FBXL17: variants seen among roughly 807,000 people sequenced by gnomAD.
FBXL17 encodes F-box/LRR-repeat protein 17.
Under a neutral mutation model 66.2 loss-of-function variants are expected in FBXL17, and 22 were observed. The observed-to-expected ratio is 0.33, with a 90% CI of 0.24 to 0.47. The LOEUF is 0.47. Ranked by LOEUF, FBXL17 falls within the 20% of genes least tolerant of loss-of-function variation. The pLI is 1.00. For synonymous variants in FBXL17, 474 were observed against 400.5 expected, an observed-to-expected ratio of 1.18 and a Z score of -2.19; for missense variants, 878 against 948.2, an observed-to-expected ratio of 0.93 and a Z score of 0.97.
intron 6 of FBXL17, among the ~76,000 whole-genome samples, chr5:108,068,749 G>A (rs890717001): frequency 3.3e-5 from 5 of 152,072 alleles, no homozygotes; most frequent in African/African-American, 4.8e-5. Flanking sequence ...GAGCCACTGC[G>A]CCCGGCCAAT....
intron 8 of FBXL17, among the ~76,000 whole-genome samples, chr5:107,862,928 CTA>C (rs1205361685): frequency 4.0e-5 from 6 of 151,352 alleles, no homozygotes; most frequent in African/African-American, 1.5e-4. Flanking sequence ...ATCTAGAAAA[CTA>C]TGTTATCTGT....
intron 7 of FBXL17, among the ~76,000 whole-genome samples, chr5:107,989,774 A>C (rs539789992): frequency 1.3e-5 from 2 of 152,264 alleles, no homozygotes; most frequent in Admixed American, 1.3e-4. Context: ...TTTCATCAGA[A>C]CATCTAAATA....
chr5:108,066,844 T>C (rs1748134066), intron 6 of FBXL17, among the ~76,000 whole-genome samples: 1 of 152,056 alleles, frequency 6.6e-6, no homozygotes, highest in Admixed American at 6.5e-5. Flanking sequence ...GCCTTTACAG[T>C]ATGAATTTCT....
chr5:107,934,570 T>C (rs1750836876), intron 7 of FBXL17, among the ~76,000 whole-genome samples: 1 of 152,180 alleles, frequency 6.6e-6, no homozygotes, highest in Non-Finnish European at 1.5e-5. Flanking sequence ...TTTACTTTCT[T>C]TCCTATTGTA....
chr5:108,167,538 T>A lies in FBXL17; in HGVS notation c.1745+18579A>T, dbSNP rs116545766. Among the ~76,000 whole-genome samples, 143 of 152,292 alleles carry A rather than the reference T, an allele frequency of 9.4e-4. 1 individual carries two copies. Among genetic ancestry groups the A allele is most frequent in the African/African-American group, 3.2e-3 (132 of 41,564 alleles). On this transcript the variant is annotated intron_variant, in intron 6 of 8. Coordinates refer to ENST00000542267, the MANE Select transcript of FBXL17 (RefSeq NM_001163315.3). ...AGGACTTCAGTCTCCTAGCTCCCAC[T>A]GCAAGCTCTATTCACAGGTATTTGA...
At chr5:108,268,639 G>A (rs557209132) in intron 4 of FBXL17, among the ~76,000 whole-genome samples, 4 of 151,172 alleles carry the variant, frequency 2.6e-5, no homozygotes, top group Admixed American at 6.6e-5. Context: ...AAAAAAAAAT[G>A]GCAAGGAAAG....
chr5:108,238,894 A>C (rs1162043485), intron 4 of FBXL17, among the ~76,000 whole-genome samples: 2 of 152,276 alleles, frequency 1.3e-5, no homozygotes. Context: ...AATTACAGTA[A>C]ATTAGTACAA....
At position 108,313,483 on chromosome 5, in the gene FBXL17, C is replaced by T. The variant is rs558610147; in HGVS notation, c.1506+34916G>A. Among the ~76,000 whole-genome samples, 4 of 152,208 alleles carry T rather than the reference C, an allele frequency of 2.6e-5. No homozygotes were observed. The South Asian group carries it at 8.3e-4, about 32-fold the overall frequency. ...AGAATTAAAACAGACAGACCTAGTTCTGTCATTCATTTACAGCAAGCCAAC... is the reference window on the plus strand; with the variant it reads ...AGAATTAAAACAGACAGACCTAGTTTTGTCATTCATTTACAGCAAGCCAAC... On this transcript the variant is annotated intron_variant, in intron 4 of 8. Transcript: ENST00000542267.
chr5:108,348,648 T>A, intron 3 of FBXL17, 118 bp from the exon 4 acceptor site: 5 of 1,007,746 alleles, frequency 5.0e-6, no homozygotes, highest in Non-Finnish European at 7.2e-6. Context: ...TTTATGTTAC[T>A]TGTAAAATAA....
chr5:108,320,661 A>G (rs1759575830), intron 4 of FBXL17, among the ~76,000 whole-genome samples: 1 of 151,796 alleles, frequency 6.6e-6, no homozygotes, highest in Non-Finnish European at 1.5e-5. Flanking sequence ...ACTTCCCACA[A>G]TGTTTGCTCC....
At chr5:107,958,156 C>G (rs981805120) in intron 7 of FBXL17, among the ~76,000 whole-genome samples, 2 of 145,788 alleles carry the variant, frequency 1.4e-5, no homozygotes, top group Non-Finnish European at 3.0e-5. Flanking sequence ...AAAAAAGAAA[C>G]ATGAGTAAAA....
chr5:107,944,551 A>G (rs959391749), intron 7 of FBXL17, among the ~76,000 whole-genome samples: 3 of 152,214 alleles, frequency 2.0e-5, no homozygotes, highest in Non-Finnish European at 4.4e-5. Context: ...AAGTTTACCA[A>G]TGTTGGTAGT....
rs138954312 is a variant in FBXL17 at position 108,003,433 on chromosome 5, T to C, written c.1822+17492A>G. Among the ~76,000 whole-genome samples the C allele has an allele frequency of 2.9e-3, 436 of 152,048 alleles. 2 individuals carry two copies. The highest frequency in any genetic ancestry group is 5.4e-3 in the Non-Finnish European group (364 of 67,950). On this transcript the variant is annotated intron_variant, in intron 7 of 8. Transcript: ENST00000542267. The stretch of plus-strand genomic sequence containing the variant: ...TGGGTTCCCATAGATAAAGATCAAG[T>C]AGAAGTTCACAATTAAAAACAAAAC...
intron 6 of FBXL17, among the ~76,000 whole-genome samples, chr5:108,154,069 G>T (rs1315327478): frequency 6.6e-6 from 1 of 151,972 alleles, no homozygotes; most frequent in Non-Finnish European, 1.5e-5. Context: ...CCTCAAATCT[G>T]CTAACTGGGA....
intron 5 of FBXL17, among the ~76,000 whole-genome samples, chr5:108,207,359 G>A (rs985567359): frequency 2.6e-5 from 4 of 151,680 alleles, no homozygotes; most frequent in African/African-American, 9.7e-5. Context: ...TTTAAGTTCT[G>A]GGGTACGTAT....
chr5:108,298,293 G>A, intron 4 of FBXL17: 1 of 984,638 alleles, frequency 1.0e-6, no homozygotes, highest in Non-Finnish European at 1.2e-6. Context: ...ACAGAATTTG[G>A]CTTCCAAACA....
intron 5 of FBXL17, among the ~76,000 whole-genome samples, chr5:108,223,576 G>A (rs1052658957): frequency 4.6e-5 from 7 of 152,090 alleles, no homozygotes; most frequent in Non-Finnish European, 5.9e-5. Context: ...ATGACACATC[G>A]CAGTAGAGAT....
At chr5:108,130,694 C>T (rs1750897331) in intron 6 of FBXL17, among the ~76,000 whole-genome samples, 1 of 151,886 alleles carries the variant, frequency 6.6e-6, no homozygotes, top group Non-Finnish European at 1.5e-5. Context: ...CTTTAATATC[C>T]TACTTTATTT....
At chr5:108,015,446 G>C (rs1299214948) in intron 7 of FBXL17, among the ~76,000 whole-genome samples, 1 of 151,868 alleles carries the variant, frequency 6.6e-6, no homozygotes, top group Non-Finnish European at 1.5e-5. Context: ...ATCTTACCTA[G>C]CAATCTTGGA....
Sources: allele counts gnomAD v4.1 joint callset (sites outside exome capture counted in the v4.1 genomes callset), GRCh38; gene constraint gnomAD v4.1.1; transcripts MANE v1.5; gene names NCBI Gene and HGNC (gene_info 2026-07-23, HGNC 2026-07-21).